ACACB: variants seen among roughly 807,000 people sequenced by gnomAD.
ACACB encodes acetyl-CoA carboxylase 2.
Under a neutral mutation model 278.8 loss-of-function variants are expected in ACACB, and 209 were observed. That is an observed-to-expected ratio of 0.75 (90% CI 0.67 to 0.84). ACACB has a LOEUF of 0.84. ACACB is among the 40% of genes least tolerant of loss of function. The pLI, the probability that ACACB is intolerant of heterozygous loss-of-function variation, is 0.00. For synonymous variants in ACACB, 1,174 were observed against 1,285.6 expected, an observed-to-expected ratio of 0.91 and a Z score of 1.86; for missense variants, 2,850 against 3,269.0, an observed-to-expected ratio of 0.87 and a Z score of 3.13.
chr12:109,170,157 C>T (rs756269134), intron 4 of ACACB, among the ~76,000 whole-genome samples: 1 of 152,072 alleles, frequency 6.6e-6, no homozygotes, highest in Non-Finnish European at 1.5e-5. Flanking sequence ...CTCTACCTCC[C>T]GGGTTCAAGC....
At chr12:109,247,280 A>G (rs1399408814) in intron 39 of ACACB, among the ~76,000 whole-genome samples, 1 of 152,114 alleles carries the variant, frequency 6.6e-6, no homozygotes, top group African/African-American at 2.4e-5. Context: ...TGGGGTGGCA[A>G]TAAAATAGTT....
Position 109,196,137 on chromosome 12 carries a change from G to T in ACACB, c.2482-871G>T, listed in dbSNP as rs531166887. Among the ~76,000 whole-genome samples, 3 of 152,284 alleles carry T rather than the reference G, an allele frequency of 2.0e-5. No homozygotes were observed. The East Asian group carries it at 5.8e-4, about 29-fold the overall frequency. On this transcript the variant is annotated intron_variant, in intron 16 of 52. Coordinates refer to ENST00000338432, the MANE Select transcript of ACACB (RefSeq NM_001093.4). ...TTTTCTGAGAGAAAACTGAACTGAA[G>T]TACCAGATGGGGCAGGCGCTCTTCC... is the stretch of plus-strand genomic sequence containing the variant.
At chr12:109,215,045 G>A (rs1020577965) in intron 22 of ACACB, among the ~76,000 whole-genome samples, 2 of 151,712 alleles carry the variant, frequency 1.3e-5, no homozygotes, top group African/African-American at 4.8e-5. Context: ...ACAGTGAGCT[G>A]TGATTGCACC....
chr12:109,250,150 G>C, intron 41 of ACACB, 46 bp downstream of exon 41: 8 of 1,525,536 alleles, frequency 5.2e-6, no homozygotes, highest in Non-Finnish European at 7.0e-6. Context: ...TTCCATTATA[G>C]AAACTTTAAA....
chr12:109,170,010 A>T (rs757127323), intron 4 of ACACB, among the ~76,000 whole-genome samples: 13 of 152,134 alleles, frequency 8.5e-5, no homozygotes, highest in Non-Finnish European at 1.6e-4. Flanking sequence ...AGATGTCCCA[A>T]CCCCTGTGTT....
intron 27 of ACACB, among the ~76,000 whole-genome samples, chr12:109,224,843 C>A (rs1051123784): frequency 6.6e-6 from 1 of 152,134 alleles, no homozygotes; most frequent in Admixed American, 6.6e-5. Context: ...GTTTTTAACA[C>A]GGCCCTCTTA....
chr12:109,223,564 C>G (rs1398830893), intron 26 of ACACB, among the ~76,000 whole-genome samples: 1 of 152,050 alleles, frequency 6.6e-6, no homozygotes, highest in Non-Finnish European at 1.5e-5. Flanking sequence ...TGAGGCCAGC[C>G]TGGGCAACAT....
intron 29 of ACACB, among the ~76,000 whole-genome samples, chr12:109,233,379 G>T (rs906562014): frequency 5.9e-5 from 9 of 152,150 alleles, no homozygotes; most frequent in Non-Finnish European, 8.8e-5. Flanking sequence ...ATGAGGCATA[G>T]GGATTACTCT....
At chr12:109,231,828 G>A (rs1369173791) in intron 28 of ACACB, among the ~76,000 whole-genome samples, 1 of 152,158 alleles carries the variant, frequency 6.6e-6, no homozygotes, top group Non-Finnish European at 1.5e-5. Flanking sequence ...TTCCAGCCCC[G>A]CACCAGGGAT....
At chr12:109,254,433 T>C (rs2047174146) in intron 44 of ACACB, 99 bp downstream of exon 44, 1 of 1,206,022 alleles carries the variant, frequency 8.3e-7, no homozygotes, top group East Asian at 2.5e-5. Flanking sequence ...GACAAAGGCT[T>C]GATATTCGTT....
At chr12:109,150,067 C>A (rs2043332353) in intron 2 of ACACB, among the ~76,000 whole-genome samples, 1 of 152,138 alleles carries the variant, frequency 6.6e-6, no homozygotes, top group African/African-American at 2.4e-5. Context: ...CATTGAGTTG[C>A]TGTAAGTACA....
chr12:109,249,845 A>C, intron 40 of ACACB, 139 bp from the exon 41 acceptor site: 1 of 1,138,000 alleles, frequency 8.8e-7, no homozygotes, highest in Non-Finnish European at 1.2e-6. Flanking sequence ...TCTAGATGCC[A>C]ATTTCATTTT....
chr12:109,113,307 G>C (rs1267697152), upstream of ACACB: 1 of 152,280 alleles, frequency 6.6e-6, no homozygotes, highest in East Asian at 1.9e-4. Context: ...GCCTGCCTCT[G>C]CAAAGGCAGG....
In ACACB at chr12:109,166,666, A is replaced by AAAAAAC. The variant is rs2043910999; in HGVS notation, c.654-190_654-189insCAAAAA. Among the ~76,000 whole-genome samples the AAAAAAC allele has an allele frequency of 2.8e-5, 4 of 144,262 alleles. 1 individual carries two copies. Among genetic ancestry groups the AAAAAAC allele is most frequent in the Non-Finnish European group, 4.6e-5 (3 of 65,528 alleles). 94.6% of individuals were successfully genotyped at this position (144,262 alleles called of 152,430 possible). On this transcript the variant is annotated intron_variant, in intron 2 of 52. Transcript: ENST00000338432. ...TCCCGTCTCAAAAAAAAAAAAAAAAAAAAAAAAAAAACCGAAGGTGCTTCC... is the reference window on the plus strand; with the variant it reads ...TCCCGTCTCAAAAAAAAAAAAAAAAAAAAAACAAAAAAAAAAACCGAAGGTGCTTCC...
intron 1 of ACACB, among the ~76,000 whole-genome samples, chr12:109,135,158 T>C (rs1202299105): frequency 6.6e-6 from 1 of 152,228 alleles, no homozygotes; most frequent in Non-Finnish European, 1.5e-5. Flanking sequence ...CCAATTTCTG[T>C]ACCTCTTCAC....
chr12:109,152,937 C>T (rs2043418570), intron 2 of ACACB, among the ~76,000 whole-genome samples: 1 of 151,770 alleles, frequency 6.6e-6, no homozygotes, highest in Non-Finnish European at 1.5e-5. Context: ...AGCCACTGCA[C>T]GTGGCCTTCC....
intron 1 of ACACB, among the ~76,000 whole-genome samples, chr12:109,133,120 C>CATGT (rs1422425628): frequency 3.3e-5 from 5 of 152,190 alleles, no homozygotes; most frequent in African/African-American, 1.2e-4. Flanking sequence ...GAACTTATAT[C>CATGT]ATGTAAAACT....
At chr12:109,254,188 G>A (rs1472302046) in intron 43 of ACACB, 26 bp from the exon 44 acceptor site, 1 of 1,613,144 alleles carries the variant, frequency 6.2e-7, no homozygotes, top group East Asian at 2.2e-5. Context: ...CACAGACTAA[G>A]TCAGAGACTT....
At position 109,227,458 on chromosome 12, in the gene ACACB, C is replaced by T. The variant is rs2046346275; in HGVS notation, c.3970C>T (p.Gln1324Ter). ...GGACGGCACCTGCGTGGTAGAATTCCAGTTCATGCTGCCGTCCTCCCACCC... is the reference window on the plus strand; with the variant it reads ...GGACGGCACCTGCGTGGTAGAATTCTAGTTCATGCTGCCGTCCTCCCACCC... ...LPDGTCVVEF[Q>*]FMLPSSHPNR... Residue 1324 changes from glutamine to a stop codon, truncating the protein, a stop_gained, in exon 28 of 53, where the codon CAG (glutamine) becomes TAG (stop). Transcript: ENST00000338432. LOFTEE classifies it high-confidence loss of function. 1 of 1,614,082 alleles carries T rather than the reference C, an allele frequency of 6.2e-7. No homozygotes were observed. The highest frequency in any genetic ancestry group is 8.5e-7 in the Non-Finnish European group (1 of 1,179,990).
Sources: gnomAD v4.1 joint callset for allele counts (sites outside exome capture counted in the v4.1 genomes callset) on GRCh38, gnomAD v4.1.1 for gene constraint, MANE v1.5 for transcripts, NCBI Gene and HGNC (gene_info 2026-07-23, HGNC 2026-07-21) for gene names.